RIN2: variants seen among roughly 807,000 people sequenced by gnomAD.
RIN2 encodes RAB5 interacting protein 2.
Under a neutral mutation model 78.0 loss-of-function variants are expected in RIN2, and 36 were observed. The observed-to-expected ratio is 0.46, with a 90% CI of 0.35 to 0.61. The LOEUF (loss-of-function observed/expected upper bound fraction) is 0.61, where lower values mean the gene tolerates loss of function less well. Ranked by LOEUF, RIN2 falls within the 20% of genes least tolerant of loss-of-function variation. The probability of loss-of-function intolerance (pLI) is 0.00; values close to 1 mark genes in which losing one functional copy is unlikely to be tolerated. For synonymous variants in RIN2, 466 were observed against 466.8 expected, an observed-to-expected ratio of 1.00 and a Z score of 0.02; for missense variants, 1,087 against 1,159.7, an observed-to-expected ratio of 0.94 and a Z score of 0.91.
chr20:20,000,459 T>C (rs1269679580), intron 12 of RIN2, among the ~76,000 whole-genome samples, 154 bp from the exon 13 acceptor site: 1 of 152,178 alleles, frequency 6.6e-6, no homozygotes, highest in African/African-American at 2.4e-5. Context: ...TCAGCCTCTT[T>C]CCTTGCCATT....
intron 1 of RIN2, among the ~76,000 whole-genome samples, chr20:19,795,513 T>C (rs1486463470): frequency 1.3e-5 from 2 of 152,132 alleles, no homozygotes; most frequent in East Asian, 3.9e-4. Context: ...TTAATGAAAA[T>C]TGGATTTTTT....
At chr20:19,783,228 T>C (rs1380927450) in intron 1 of RIN2, among the ~76,000 whole-genome samples, 1 of 152,234 alleles carries the variant, frequency 6.6e-6, no homozygotes, top group Admixed American at 6.5e-5. Context: ...TTTATATTCA[T>C]ACGGTTTTCT....
At chr20:19,758,437 T>A (rs1416000644) in intron 1 of RIN2, 110 bp downstream of exon 1, 1 of 152,168 alleles carries the variant, frequency 6.6e-6, no homozygotes, top group Non-Finnish European at 1.5e-5. Flanking sequence ...TGGGTGCTGC[T>A]GTGCGCACTC....
intron 1 of RIN2, among the ~76,000 whole-genome samples, chr20:19,775,334 G>C (rs1006890445): frequency 6.6e-6 from 1 of 152,216 alleles, no homozygotes; most frequent in Non-Finnish European, 1.5e-5. Context: ...TGCAAAGGTT[G>C]ACTGCTGGTT....
intron 3 of RIN2, 23 bp from the exon 4 acceptor site, chr20:19,935,076 A>C (rs1291284941): frequency 6.4e-7 from 1 of 1,561,470 alleles, no homozygotes; most frequent in Non-Finnish European, 8.7e-7. Flanking sequence ...TCCTGACGTC[A>C]TACTATTTTT....
chr20:19,888,848 T>C (rs1266846720), intron 2 of RIN2, among the ~76,000 whole-genome samples: 1 of 152,238 alleles, frequency 6.6e-6, no homozygotes, highest in East Asian at 1.9e-4. Flanking sequence ...GGAAGAATTA[T>C]TGGGATCTGA....
At chr20:19,889,527 A>G in intron 2 of RIN2, 39 bp from the exon 3 acceptor site, 9 of 1,521,352 alleles carry the variant, frequency 5.9e-6, no homozygotes, top group Non-Finnish European at 8.0e-6. Context: ...GGAATTTCCT[A>G]CAGGCTGGAC....
chr20:19,951,275 A>G (rs766855475), intron 4 of RIN2, among the ~76,000 whole-genome samples: 5 of 152,180 alleles, frequency 3.3e-5, no homozygotes, highest in Admixed American at 6.5e-5. Context: ...TCGAACCTGT[A>G]TTAATCCTAC....
chr20:19,888,946 G>A (rs754781906), intron 2 of RIN2, among the ~76,000 whole-genome samples: 18 of 152,210 alleles, frequency 1.2e-4, no homozygotes, highest in Non-Finnish European at 2.6e-4. Context: ...TTTCCTCTAC[G>A]TTCAGCTCCC....
At chr20:19,886,696 C>A (rs2059117073) in intron 2 of RIN2, 1 of 1,544,816 alleles carries the variant, frequency 6.5e-7, no homozygotes, top group African/African-American at 1.4e-5. Flanking sequence ...CTCAAGAATC[C>A]ACTTTACCCT....
chr20:19,927,441 G>A (rs2040268330), intron 3 of RIN2, among the ~76,000 whole-genome samples: 1 of 151,706 alleles, frequency 6.6e-6, no homozygotes, highest in South Asian at 2.1e-4. Context: ...TGGAGATGGA[G>A]TCTCACTCTG....
chr20:19,798,086 C>T lies in RIN2; in HGVS notation c.-162-1536C>T, dbSNP rs150463357. Among the ~76,000 whole-genome samples, 1,486 of 152,178 alleles carry T rather than the reference C, an allele frequency of 9.8e-3. 21 individuals are homozygous for T. The highest frequency in any genetic ancestry group is 0.034 in the African/African-American group (1,413 of 41,514). On this transcript the variant is annotated intron_variant, in intron 1 of 12. Coordinates refer to ENST00000255006, the MANE Select transcript of RIN2 (RefSeq NM_018993.4). ...CAGGATGGCCTTGATCTCCTGACCT[C>T]GTGATCTGCCTGCCTTGGCCTCCCG...
intron 3 of RIN2, among the ~76,000 whole-genome samples, chr20:19,908,335 C>CA (rs1008863504): frequency 2.0e-5 from 3 of 151,930 alleles, no homozygotes; most frequent in Non-Finnish European, 4.4e-5. Flanking sequence ...ACTAAAAATA[C>CA]AAAAAATTAG....
intron 2 of RIN2, among the ~76,000 whole-genome samples, chr20:19,837,543 AT>A: frequency 6.6e-6 from 1 of 152,276 alleles, no homozygotes; most frequent in South Asian, 2.1e-4. Context: ...AAAATTTCTA[AT>A]TTCACCATTG....
At chr20:19,843,146 G>A (rs6081766) in intron 2 of RIN2, among the ~76,000 whole-genome samples, 55,195 of 152,054 alleles carry the variant, frequency 0.36, 10,475 homozygotes, top group Middle Eastern at 0.43. Context: ...AAAGAAAATC[G>A]TTTATTGAGA....
At chr20:19,920,310 A>G (rs930225534) in intron 3 of RIN2, among the ~76,000 whole-genome samples, 2 of 151,898 alleles carry the variant, frequency 1.3e-5, no homozygotes, top group Non-Finnish European at 2.9e-5. Context: ...AAAAAAAAAA[A>G]AAGGAAAAAC....
chr20:19,905,315 C>T (rs996634851), intron 3 of RIN2, among the ~76,000 whole-genome samples: 7 of 152,162 alleles, frequency 4.6e-5, no homozygotes, highest in Non-Finnish European at 7.3e-5. Context: ...AATAACTCGT[C>T]TACCTGACAT....
chr20:19,790,739 C>G (rs1330654205), intron 1 of RIN2, among the ~76,000 whole-genome samples: 1 of 152,122 alleles, frequency 6.6e-6, no homozygotes, highest in African/African-American at 2.4e-5. Flanking sequence ...TGTCTGTCAC[C>G]TTCTTTCTTA....
intron 2 of RIN2, among the ~76,000 whole-genome samples, chr20:19,845,831 G>T (rs1255147389): frequency 6.6e-6 from 1 of 151,972 alleles, no homozygotes; most frequent in African/African-American, 2.4e-5. Flanking sequence ...GTATTGCCTA[G>T]GTTTTATTCT....
Sources: gnomAD v4.1 joint callset for allele counts (sites outside exome capture counted in the v4.1 genomes callset) on GRCh38, gnomAD v4.1.1 for gene constraint, MANE v1.5 for transcripts, NCBI Gene and HGNC (gene_info 2026-07-23, HGNC 2026-07-21) for gene names.